NID1: variants seen among roughly 807,000 people sequenced by gnomAD.
NID1 encodes nidogen 1.
NID1 carries 76 observed loss-of-function variants against 130.6 expected under a neutral mutation model. That is an observed-to-expected ratio of 0.58 (90% CI 0.48 to 0.70). The LOEUF (loss-of-function observed/expected upper bound fraction) is 0.70, where lower values mean the gene tolerates loss of function less well. NID1 is among the 30% of genes least tolerant of loss of function. The pLI is 0.00. For missense variants in NID1, 1,517 were observed against 1,664.8 expected (o/e 0.91, Z 1.54); for synonymous variants, 665 against 675.1 (o/e 0.98, Z 0.23).
chr1:236,041,755 G>C (rs530837423), intron 4 of NID1, among the ~76,000 whole-genome samples, 155 bp downstream of exon 4: 2 of 152,196 alleles, frequency 1.3e-5, no homozygotes, highest in Admixed American at 6.5e-5. Flanking sequence ...TAACACCAAG[G>C]CTCCACGGCT....
chr1:235,989,069 CTT>C (rs768952072), intron 14 of NID1, among the ~76,000 whole-genome samples: 70 of 115,794 alleles, frequency 6.0e-4, no homozygotes, highest in Middle Eastern at 4.9e-3. Context: ...AAATTATCTG[CTT>C]TTTTTTTTTT....
intron 1 of NID1, among the ~76,000 whole-genome samples, chr1:236,053,923 A>T (rs892114015): frequency 2.7e-4 from 41 of 151,098 alleles, no homozygotes; most frequent in African/African-American, 1.0e-3. Flanking sequence ...TAAAATGCCA[A>T]TTACTAAAAT....
intron 1 of NID1, among the ~76,000 whole-genome samples, chr1:236,058,258 A>C (rs1233866243): frequency 1.3e-5 from 2 of 152,262 alleles, no homozygotes; most frequent in Admixed American, 1.3e-4. Context: ...GTTCACACTG[A>C]GAAAAAGTTC....
In NID1 at chr1:236,042,731, C is replaced by T. The variant is rs187410190; in HGVS notation, c.753-439G>A. On this transcript the variant is annotated intron_variant, in intron 3 of 19. Transcript: ENST00000264187. ...ACAATTGAAAATACATGTTTGGTCT[C>T]TGTCCTCACATTCTGAAACAAGAGC... 4.2e-3 allele frequency among the ~76,000 whole-genome samples: 639 copies of T among 152,362 alleles called. 2 individuals are homozygous for T. The highest frequency in any genetic ancestry group is 8.0e-3 in the Non-Finnish European group (542 of 68,040).
chr1:236,047,704 G>A (rs747395616), intron 2 of NID1, among the ~76,000 whole-genome samples: 2 of 151,800 alleles, frequency 1.3e-5, no homozygotes, highest in Admixed American at 1.3e-4. Context: ...TTAACCTATC[G>A]TTTCATATTA....
intron 15 of NID1, among the ~76,000 whole-genome samples, chr1:235,982,473 A>C (rs1402212433): frequency 2.0e-5 from 3 of 152,198 alleles, no homozygotes; most frequent in Non-Finnish European, 2.9e-5. Context: ...CATTGAAATA[A>C]TACTTTCAAG....
chr1:235,980,197 A>G lies in NID1; in HGVS notation c.3386-252T>C, dbSNP rs569218445. Among the ~76,000 whole-genome samples, 6 of 152,324 alleles carry G rather than the reference A, an allele frequency of 3.9e-5. No individual in the cohort carries two copies. In the East Asian group the frequency reaches 1.2e-3, roughly 29 times the overall value. ...TGCTTATCGGTATCAGGGTGACTCC[A>G]GGCTCTGTGCAGTGCCACTTACAAC... On this transcript the variant is annotated intron_variant, in intron 17 of 19. Transcript: ENST00000264187.
intron 7 of NID1, 24 bp from the exon 8 acceptor site, chr1:236,026,165 G>C (rs777123873): frequency 6.2e-7 from 1 of 1,610,360 alleles, no homozygotes; most frequent in Non-Finnish European, 8.5e-7. Context: ...AGGATGGAGG[G>C]GACAAGGCAG....
At chr1:236,013,300 A>G in intron 11 of NID1, 111 bp downstream of exon 11, 2 of 1,196,110 alleles carry the variant, frequency 1.7e-6, no homozygotes, top group Non-Finnish European at 2.4e-6. Context: ...TGGAGATGAC[A>G]GAAGAATTCT....
At chr1:235,995,819 T>A (rs1259456814) in intron 12 of NID1, among the ~76,000 whole-genome samples, 1 of 152,192 alleles carries the variant, frequency 6.6e-6, no homozygotes, top group East Asian at 1.9e-4. Flanking sequence ...TAAGGAGCTG[T>A]TCCTTGTTTA....
chr1:236,052,250 A>G (rs1188493407), intron 1 of NID1, among the ~76,000 whole-genome samples: 3 of 152,234 alleles, frequency 2.0e-5, no homozygotes, highest in Non-Finnish European at 4.4e-5. Context: ...CAAATGCACG[A>G]TGCTCCTATC....
At position 236,041,979 on chromosome 1, in the gene NID1, C is replaced by T; in HGVS notation, c.1066G>A (p.Ala356Thr). 1.9e-6 allele frequency: 3 copies of T among 1,614,136 alleles called. No homozygotes were observed. The highest frequency in any genetic ancestry group is 2.5e-6 in the Non-Finnish European group (3 of 1,180,026). Residue 356 changes from alanine to threonine, a missense_variant, in exon 4 of 20, where the codon GCA becomes ACA. By Grantham distance (58) the Ala-to-Thr change is moderately conservative. Around this residue, in one of 3 missense-constraint regions of NID1, gnomAD observed 1,329 missense variants for 1,429.2 expected, o/e 0.93. Coordinates refer to ENST00000264187, the MANE Select transcript of NID1 (RefSeq NM_002508.3). Reference sequence around the variant, plus strand: ...TGCTGCTGGTGAAAAGTCTCCACTGCCAACTGGAAAGACCTGGTTCTCTCT... The same window carrying T: ...TGCTGCTGGTGAAAAGTCTCCACTGTCAACTGGAAAGACCTGGTTCTCTCT... ...PTERTRSFQL[A>T]VETFHQQHPQ... is the part of the protein sequence containing the mutation.
In NID1 at chr1:236,041,872, T is replaced by G. The variant is rs146934982; in HGVS notation, c.1135+38A>C. On this transcript the variant is annotated intron_variant, in intron 4 of 19. Coordinates refer to ENST00000264187, the MANE Select transcript of NID1 (RefSeq NM_002508.3). ...GTACGCCTGTCTGGAAGCCCACACA[T>G]CCAAGATCGTTACCAACTGCAACTT... 4 of 1,571,086 alleles carry G rather than the reference T, an allele frequency of 2.5e-6. No individual in the cohort carries two copies. In the East Asian group the frequency reaches 9.0e-5, roughly 35 times the overall value.
At chr1:236,063,132 C>A (rs1660087303) in intron 1 of NID1, among the ~76,000 whole-genome samples, 1 of 114,440 alleles carries the variant, frequency 8.7e-6, no homozygotes, top group African/African-American at 3.7e-5. Flanking sequence ...CCAGCTTGTG[C>A]AACAGAGTGA....
Position 236,043,753 on chromosome 1 carries a change from G to A in NID1, c.753-1461C>T, listed in dbSNP as rs527757469. ...GCAGAGCTTGCAGTGAGCCAAGATC[G>A]TGCCACTGCACTCCAGCCTGGGCGA... On this transcript the variant is annotated intron_variant, in intron 3 of 19. Transcript: ENST00000264187. Among the ~76,000 whole-genome samples the A allele has an allele frequency of 2.0e-3, 305 of 152,142 alleles. 1 individual carries two copies. Among genetic ancestry groups the A allele is most frequent in the African/African-American group, 7.0e-3 (289 of 41,516 alleles).
At chr1:236,049,092 GTAGAA>G (rs1659694055) in intron 1 of NID1, 103 bp from the exon 2 acceptor site, 20 of 1,206,670 alleles carry the variant, frequency 1.7e-5, no homozygotes, top group African/African-American at 4.6e-5. Flanking sequence ...CCCATGCTGT[GTAGAA>G]TACAACAGAA....
At chr1:236,031,424 C>T (rs1352917766) in intron 6 of NID1, among the ~76,000 whole-genome samples, 1 of 152,178 alleles carries the variant, frequency 6.6e-6, no homozygotes, top group African/African-American at 2.4e-5. Flanking sequence ...GGCCTCACTC[C>T]TTTTCTAATA....
chr1:236,063,715 A>ATT (rs1660109459), intron 1 of NID1, among the ~76,000 whole-genome samples: 1 of 152,158 alleles, frequency 6.6e-6, no homozygotes, highest in Non-Finnish European at 1.5e-5. Context: ...TGAGCCAAGG[A>ATT]GTTGGAGGCT....
chr1:235,998,618 T>C (rs749855498), intron 12 of NID1, among the ~76,000 whole-genome samples: 143 of 151,910 alleles, frequency 9.4e-4, no homozygotes, highest in Non-Finnish European at 1.7e-3. Context: ...GAGGTTGCAG[T>C]GAGCCAAGAT....
Sources: allele counts gnomAD v4.1 joint callset (sites outside exome capture counted in the v4.1 genomes callset), GRCh38; gene constraint gnomAD v4.1.1; regional missense constraint gnomAD v4.1.1; transcripts MANE v1.5; gene names NCBI Gene and HGNC (gene_info 2026-07-23, HGNC 2026-07-21).